The following PCSK6 variants were observed in gnomAD, a reference collection of about 807,000 sequenced individuals.
The protein encoded by PCSK6 is proprotein convertase subtilisin/kexin type 6, also known as paired basic amino acid cleaving enzyme 4.
Under a neutral mutation model 123.3 loss-of-function variants are expected in PCSK6, and 85 were observed. That is an observed-to-expected ratio of 0.69 (90% CI 0.58 to 0.83). The LOEUF (loss-of-function observed/expected upper bound fraction) is 0.83, where lower values mean the gene tolerates loss of function less well. PCSK6 is among the 40% of genes least tolerant of loss of function. PCSK6 has a pLI of 0.00. For synonymous variants in PCSK6, 508 were observed against 516.0 expected (o/e 0.98, Z 0.21); for missense variants, 1,191 against 1,282.3 (o/e 0.93, Z 1.09).
chr15:101,443,428 G>C, intron 2 of PCSK6, 128 bp downstream of exon 2: 2 of 651,482 alleles, frequency 3.1e-6, no homozygotes, highest in South Asian at 1.9e-5. Flanking sequence ...CACCTGTCTT[G>C]CTGTATTTAA....
At chr15:101,403,004 A>G (rs1189461874) in intron 6 of PCSK6, among the ~76,000 whole-genome samples, 1 of 152,202 alleles carries the variant, frequency 6.6e-6, no homozygotes, top group African/African-American at 2.4e-5. Context: ...CACAATAGCA[A>G]AGACTTGGAA....
chr15:101,313,025 C>T, intron 20 of PCSK6: 2 of 1,177,182 alleles, frequency 1.7e-6, no homozygotes, highest in South Asian at 1.9e-5. Flanking sequence ...TTTTTTTAAC[C>T]CAAAACATGG....
intron 1 of PCSK6, among the ~76,000 whole-genome samples, chr15:101,464,197 CAG>C (rs902909286): frequency 1.1e-4 from 17 of 152,310 alleles, no homozygotes; most frequent in Admixed American, 1.0e-3. Flanking sequence ...CCTTTCTCCA[CAG>C]ACTCACCCAC....
chr15:101,401,539 G>A (rs1255188011), intron 6 of PCSK6, among the ~76,000 whole-genome samples: 1 of 152,200 alleles, frequency 6.6e-6, no homozygotes, highest in Admixed American at 6.5e-5. Context: ...GAGCCTCGGA[G>A]CCAGCAGGAG....
chr15:101,455,851 C>T (rs548455633), intron 1 of PCSK6, among the ~76,000 whole-genome samples: 19 of 152,330 alleles, frequency 1.2e-4, no homozygotes, highest in South Asian at 4.1e-4. Flanking sequence ...CATCCTTTCC[C>T]GGTTGCAAAG....
At chr15:101,368,971 A>G (rs1229790281) in intron 12 of PCSK6, among the ~76,000 whole-genome samples, 10 of 152,208 alleles carry the variant, frequency 6.6e-5, no homozygotes, top group African/African-American at 1.9e-4. Context: ...GAGACCTCCC[A>G]CAGGCAGAGG....
rs1596245333 is a variant in PCSK6 at position 101,369,564 on chromosome 15, T to G, written c.1721+771A>C. On this transcript the variant is annotated intron_variant, in intron 12 of 21. Transcript: ENST00000611716. ...TTTGAGAGAAGCTGGAAATGCTGAT[T>G]TGTCCATGAAATTTCTTTACTCTCT... is the stretch of plus-strand genomic sequence containing the variant. Among the ~76,000 whole-genome samples, 4 of 152,206 alleles carry G rather than the reference T, an allele frequency of 2.6e-5. No homozygotes were observed. The South Asian group carries it at 6.2e-4, about 24-fold the overall frequency.
intron 1 of PCSK6, among the ~76,000 whole-genome samples, chr15:101,466,739 G>C (rs558448418): frequency 1.5e-5 from 1 of 65,004 alleles, no homozygotes; most frequent in Non-Finnish European, 3.7e-5. Context: ...AAAGAAGCCA[G>C]ATACAAAAAG....
intron 13 of PCSK6, among the ~76,000 whole-genome samples, chr15:101,350,606 G>T (rs10152458): frequency 0.5 from 75,993 of 152,102 alleles, 20,683 homozygotes; most frequent in African/African-American, 0.73. Context: ...CAATTAGACC[G>T]GGGGGCCTCT....
At chr15:101,408,561 A>G (rs922983335) in intron 6 of PCSK6, among the ~76,000 whole-genome samples, 25 of 152,264 alleles carry the variant, frequency 1.6e-4, no homozygotes, top group African/African-American at 5.8e-4. Context: ...CGATGCTCAG[A>G]TCTAGCAGGC....
intron 1 of PCSK6, 56 bp from the exon 2 acceptor site, chr15:101,443,716 A>G (rs184978733): frequency 2.4e-6 from 3 of 1,265,510 alleles, no homozygotes; most frequent in Non-Finnish European, 2.3e-6. Context: ...CAGCTTCCAA[A>G]ATCTTCCACC....
chr15:101,411,163 G>A (rs1344752290), intron 6 of PCSK6, among the ~76,000 whole-genome samples: 1 of 152,224 alleles, frequency 6.6e-6, no homozygotes, highest in Non-Finnish European at 1.5e-5. Flanking sequence ...GTAGCAGCAG[G>A]AGGCGGGGTC....
At chr15:101,411,381 G>A (rs12442339) in intron 6 of PCSK6, among the ~76,000 whole-genome samples, 29,143 of 151,970 alleles carry the variant, frequency 0.19, 3,695 homozygotes, top group African/African-American at 0.36. Context: ...GCACCAGGAC[G>A]ATGCCCTGGG....
Position 101,430,080 on chromosome 15 carries a change from T to G in PCSK6, c.658-17A>C, listed in dbSNP as rs770815227. ...GTAGGAATCCTAAGAAATGGAATCG[T>G]GGTGAGTGAGGAGAAATGGCATGTG... On this transcript the variant is annotated splice_polypyrimidine_tract_variant and intron_variant, in intron 4 of 21. Coordinates refer to ENST00000611716, the MANE Select transcript of PCSK6 (RefSeq NM_002570.5). The G allele has an allele frequency of 3.7e-6, 6 of 1,609,524 alleles. No individual in the cohort carries two copies. In the African/African-American group the frequency reaches 5.3e-5, roughly 14 times the overall value.
chr15:101,355,843 G>A (rs1047011085), intron 13 of PCSK6, among the ~76,000 whole-genome samples: 5 of 152,200 alleles, frequency 3.3e-5, no homozygotes, highest in African/African-American at 9.6e-5. Flanking sequence ...CACAGGCTCT[G>A]CCTTGTCGTT....
chr15:101,369,950 G>A lies in PCSK6; in HGVS notation c.1721+385C>T, dbSNP rs75304652. ...GGGGGGACAAACAGTGCTCCCTGTG[G>A]TACACATGCTCGATTCAAAAGCCAA... On this transcript the variant is annotated intron_variant, in intron 12 of 21. Coordinates refer to ENST00000611716, the MANE Select transcript of PCSK6 (RefSeq NM_002570.5). 3.0e-3 allele frequency among the ~76,000 whole-genome samples: 457 copies of A among 152,296 alleles called. 2 individuals carry two copies. Among genetic ancestry groups the A allele is most frequent in the African/African-American group, 0.01 (429 of 41,556 alleles).
At chr15:101,450,091 C>T (rs2056994655) in intron 1 of PCSK6, among the ~76,000 whole-genome samples, 1 of 152,122 alleles carries the variant, frequency 6.6e-6, no homozygotes, top group Non-Finnish European at 1.5e-5. Flanking sequence ...TAAAAGCCAC[C>T]ACCAAACCTT....
chr15:101,468,170 T>C (rs993864604), intron 1 of PCSK6, among the ~76,000 whole-genome samples: 1 of 152,164 alleles, frequency 6.6e-6, no homozygotes, highest in Non-Finnish European at 1.5e-5. Flanking sequence ...TCCTCATCTG[T>C]GATGTGGAGA....
At chr15:101,387,117 C>T (rs548377093) in intron 9 of PCSK6, among the ~76,000 whole-genome samples, 5 of 152,326 alleles carry the variant, frequency 3.3e-5, no homozygotes, top group African/African-American at 9.6e-5. Flanking sequence ...CGTCTCTCCC[C>T]GTCCGTGTCC....
Sources: allele counts gnomAD v4.1 joint callset (sites outside exome capture counted in the v4.1 genomes callset), GRCh38; gene constraint gnomAD v4.1.1; transcripts MANE v1.5; gene names NCBI Gene and HGNC (gene_info 2026-07-23, HGNC 2026-07-21).